The following PLCB4 variants were observed in gnomAD, a reference collection of about 807,000 sequenced individuals.
PLCB4 encodes the protein 1-phosphatidylinositol 4,5-bisphosphate phosphodiesterase beta-4.
Under a neutral mutation model 178.8 loss-of-function variants are expected in PLCB4, and 77 were observed. The observed-to-expected ratio is 0.43, with a 90% CI of 0.36 to 0.52. The LOEUF (loss-of-function observed/expected upper bound fraction) is 0.52, where lower values mean the gene tolerates loss of function less well. Among genes scored for constraint, PLCB4 ranks in the 20% least tolerant of loss-of-function variants. The pLI is 0.00. For missense variants in PLCB4, 1,024 were observed against 1,453.4 expected (o/e 0.70, Z 4.80); for synonymous variants, 496 against 490.8 (o/e 1.01, Z -0.14).
At chr20:9,247,715 T>C (rs2094139485) in intron 3 of PLCB4, among the ~76,000 whole-genome samples, 1 of 152,172 alleles carries the variant, frequency 6.6e-6, no homozygotes, top group Non-Finnish European at 1.5e-5. Context: ...TGAAACAAAG[T>C]GCAGAATAGA....
chr20:9,094,923 G>A (rs1388192773), intron 1 of PLCB4, among the ~76,000 whole-genome samples: 2 of 152,136 alleles, frequency 1.3e-5, no homozygotes, highest in African/African-American at 2.4e-5. Context: ...AATAGAACAG[G>A]CAGCTCTTAC....
intron 3 of PLCB4, among the ~76,000 whole-genome samples, chr20:9,235,313 G>A (rs2093981345): frequency 6.6e-6 from 1 of 152,158 alleles, no homozygotes; most frequent in African/African-American, 2.4e-5. Flanking sequence ...ATGGCTGACT[G>A]AAGTTGAATG....
At chr20:9,444,746 A>G (rs1390976004) in intron 32 of PLCB4, among the ~76,000 whole-genome samples, 1 of 152,172 alleles carries the variant, frequency 6.6e-6, no homozygotes, top group Non-Finnish European at 1.5e-5. Context: ...TAGGTGATAG[A>G]GTAAGACTCC....
chr20:9,351,651 T>A (rs2034357562), intron 7 of PLCB4, among the ~76,000 whole-genome samples: 1 of 152,192 alleles, frequency 6.6e-6, no homozygotes, highest in African/African-American at 2.4e-5. Context: ...GCCCACCGAT[T>A]TAGATTCCTT....
At chr20:9,131,013 C>T (rs1445947962) in intron 2 of PLCB4, among the ~76,000 whole-genome samples, 1 of 152,128 alleles carries the variant, frequency 6.6e-6, no homozygotes, top group Non-Finnish European at 1.5e-5. Context: ...CATGTAACAG[C>T]ATCATGTGAA....
chr20:9,234,859 G>T (rs2093975800), intron 3 of PLCB4, among the ~76,000 whole-genome samples: 1 of 152,104 alleles, frequency 6.6e-6, no homozygotes, highest in Non-Finnish European at 1.5e-5. Context: ...CCCAAAGAAG[G>T]GTTACTGGAC....
intron 7 of PLCB4, among the ~76,000 whole-genome samples, chr20:9,361,619 A>G (rs143713363): frequency 2.4e-4 from 36 of 152,310 alleles, no homozygotes; most frequent in African/African-American, 8.2e-4. Flanking sequence ...TCATTTAAAA[A>G]TGGTGAAGGT....
At chr20:9,169,970 A>G (rs933830867) in intron 2 of PLCB4, among the ~76,000 whole-genome samples, 2 of 152,156 alleles carry the variant, frequency 1.3e-5, no homozygotes, top group African/African-American at 4.8e-5. Flanking sequence ...CTGGAGTTCA[A>G]TATTTCTTAT....
chr20:9,070,209 C>T (rs932547269), intron 1 of PLCB4, among the ~76,000 whole-genome samples: 2 of 152,116 alleles, frequency 1.3e-5, no homozygotes, highest in Non-Finnish European at 2.9e-5. Context: ...ATAATGTAAA[C>T]ATGACCAGGA....
Position 9,463,593 on chromosome 20 carries a change from C to CAAAA in PLCB4, c.3248+3801_3248+3804dup, listed in dbSNP as rs145361980. Among the ~76,000 whole-genome samples, 222 of 49,618 alleles carry CAAAA rather than the reference C, an allele frequency of 4.5e-3. 1 individual carries two copies. The highest frequency in any genetic ancestry group is 5.2e-3 in the East Asian group (7 of 1,336). The allele number at this position is 49,618 out of a possible 152,430, so 32.6% of individuals were successfully genotyped here. A position where few individuals can be genotyped will look rare whatever the true frequency, so the allele number is the denominator to read the frequency against. On this transcript the variant is annotated intron_variant, in intron 35 of 39. Transcript: ENST00000378473. The stretch of plus-strand genomic sequence containing the variant: ...GAAGATCTACCAAGCAAATGGAAAG[C>CAAAA]AAAAAAAAAAAAAAAAAAAAAGCAG...
At chr20:9,433,596 G>T (rs2041573012) in intron 28 of PLCB4, among the ~76,000 whole-genome samples, 1 of 152,090 alleles carries the variant, frequency 6.6e-6, no homozygotes, top group Non-Finnish European at 1.5e-5. Flanking sequence ...GGAATATAAA[G>T]GAAATGTGGC....
At chr20:9,401,147 G>T (rs1400137249) in intron 19 of PLCB4, among the ~76,000 whole-genome samples, 1 of 152,072 alleles carries the variant, frequency 6.6e-6, no homozygotes, top group Non-Finnish European at 1.5e-5. Context: ...CTTTTTATGA[G>T]TTATAGATAT....
At chr20:9,135,292 AC>A (rs2092359766) in intron 2 of PLCB4, among the ~76,000 whole-genome samples, 2 of 152,050 alleles carry the variant, frequency 1.3e-5, no homozygotes, top group East Asian at 1.9e-4. Context: ...AAACAAACTA[AC>A]CCCCAAACAA....
At chr20:9,407,249 C>A (rs2039510505) in intron 21 of PLCB4, among the ~76,000 whole-genome samples, 1 of 152,190 alleles carries the variant, frequency 6.6e-6, no homozygotes, top group Non-Finnish European at 1.5e-5. Flanking sequence ...AAAAAGTCTT[C>A]CAGGTGATTC....
At chr20:9,378,784 C>G (rs532522255) in intron 12 of PLCB4, among the ~76,000 whole-genome samples, 39 of 151,996 alleles carry the variant, frequency 2.6e-4, no homozygotes, top group Admixed American at 6.6e-4. Context: ...GCTCTTAACT[C>G]GGTGGGGGAG....
At chr20:9,302,827 A>G (rs2094721281) in intron 3 of PLCB4, among the ~76,000 whole-genome samples, 1 of 152,152 alleles carries the variant, frequency 6.6e-6, no homozygotes, top group South Asian at 2.1e-4. Flanking sequence ...GAGTTAAACC[A>G]ATGGAAGATA....
intron 2 of PLCB4, among the ~76,000 whole-genome samples, chr20:9,161,113 G>C (rs2092880864): frequency 6.6e-6 from 1 of 152,140 alleles, no homozygotes; most frequent in Admixed American, 6.6e-5. Context: ...AAAGTTTTTA[G>C]ATAGATATCA....
At chr20:9,225,825 T>TA in intron 3 of PLCB4, among the ~76,000 whole-genome samples, 1 of 152,364 alleles carries the variant, frequency 6.6e-6, no homozygotes, top group Non-Finnish European at 1.5e-5. Context: ...GATATATCAA[T>TA]AAAATGTTTA....
chr20:9,337,148 A>G lies in PLCB4; in HGVS notation c.107A>G (p.Asn36Ser), dbSNP rs775625121. 5 of 1,612,892 alleles carry G rather than the reference A, an allele frequency of 3.1e-6. No individual in the cohort carries two copies. The highest frequency in any genetic ancestry group is 2.2e-5 in the South Asian group (2 of 91,046). Residue 36 changes from asparagine (N) to serine (S), a missense_variant, in exon 5 of 40, where the codon AAC (asparagine) becomes AGC (serine). By Grantham distance (46) the Asn-to-Ser change is conservative (BLOSUM62 1). Coordinates refer to ENST00000378473, the MANE Select transcript of PLCB4 (RefSeq NM_001377142.1). ...YEEESFVFEP[N>S]CLFKVDEFGF... is the part of the protein sequence containing the mutation. ...CAGGAATCCTTTGTGTTTGAACCCA[A>G]CTGCCTCTTCAAAGTGGATGAGTTT...
Sources: gnomAD v4.1 joint callset for allele counts (sites outside exome capture counted in the v4.1 genomes callset) on GRCh38, gnomAD v4.1.1 for gene constraint, MANE v1.5 for transcripts, NCBI Gene and HGNC (gene_info 2026-07-23, HGNC 2026-07-21) for gene names.